GPC5: variants seen among roughly 807,000 people sequenced by gnomAD.
GPC5 encodes the protein glypican-5.
Under a neutral mutation model 53.9 loss-of-function variants are expected in GPC5, and 47 were observed. That is an observed-to-expected ratio of 0.87 (90% CI 0.69 to 1.11). The LOEUF (loss-of-function observed/expected upper bound fraction) is 1.11, where lower values mean the gene tolerates loss of function less well. Ranked by LOEUF, GPC5 falls within the 50% of genes most tolerant of loss-of-function variation. The pLI is 0.00. For missense variants in GPC5, 748 were observed against 713.1 expected (o/e 1.05, Z -0.56); for synonymous variants, 286 against 263.3 (o/e 1.09, Z -0.84).
At chr13:92,512,150 A>G (rs1464692792) in intron 7 of GPC5, among the ~76,000 whole-genome samples, 3 of 152,066 alleles carry the variant, frequency 2.0e-5, no homozygotes, top group Admixed American at 6.6e-5. Context: ...CATTTATCTT[A>G]TATTAACTAA....
chr13:92,500,774 T>G (rs1297359348), intron 7 of GPC5, among the ~76,000 whole-genome samples: 4 of 152,152 alleles, frequency 2.6e-5, no homozygotes, highest in Non-Finnish European at 5.9e-5. Context: ...TGTTTTTACT[T>G]TATTTTTGTC....
At chr13:92,757,240 G>A (rs147155400) in intron 7 of GPC5, among the ~76,000 whole-genome samples, 2,405 of 151,896 alleles carry the variant, frequency 0.016, 31 homozygotes, top group Non-Finnish European at 0.022. Context: ...GAAAGGATTC[G>A]TATTTAATAA....
intron 7 of GPC5, among the ~76,000 whole-genome samples, chr13:92,181,876 T>C (rs1055519472): frequency 6.6e-6 from 1 of 152,204 alleles, no homozygotes; most frequent in African/African-American, 2.4e-5. Flanking sequence ...CATTATGCAA[T>C]TGTAATAAGA....
chr13:92,714,833 C>T (rs1388656266), intron 7 of GPC5, among the ~76,000 whole-genome samples: 1 of 152,002 alleles, frequency 6.6e-6, no homozygotes, highest in Non-Finnish European at 1.5e-5. Context: ...TTTGGGAGGC[C>T]GAGGCAAGTG....
chr13:91,716,393 T>C (rs2036339717), intron 3 of GPC5, among the ~76,000 whole-genome samples: 1 of 152,228 alleles, frequency 6.6e-6, no homozygotes. Context: ...GAGAGACTAT[T>C]GGTTTCTCAT....
chr13:92,370,964 C>T (rs1373648256), intron 7 of GPC5, among the ~76,000 whole-genome samples: 1 of 152,050 alleles, frequency 6.6e-6, no homozygotes, highest in Admixed American at 6.6e-5. Flanking sequence ...GCCTGGCCAA[C>T]ATGGTGAAAC....
At chr13:92,714,567 G>A (rs1009729691) in intron 7 of GPC5, among the ~76,000 whole-genome samples, 4 of 152,104 alleles carry the variant, frequency 2.6e-5, no homozygotes, top group African/African-American at 7.2e-5. Flanking sequence ...CATTTCAATC[G>A]TATGCCAACC....
rs2035817277 is a variant in GPC5, at chr13:91,693,784, G to T, written c.923G>T (p.Gly308Val). The change falls in exon 3 of 8, where the codon GGA (glycine) becomes GTA (valine). Residue 308 changes from glycine (G) to valine (V), a missense_variant. Coordinates refer to ENST00000377067, the MANE Select transcript of GPC5 (RefSeq NM_004466.6). ...GAAGAACTCTCGGATGCAATGCATG[G>T]AACATACGACATTGGACACGTGCTG... is the stretch of plus-strand genomic sequence containing the variant. ...SLEELSDAMH[G>V]TYDIGHVLLN... is the part of the protein sequence containing the mutation. The T allele has an allele frequency of 9.9e-6, 16 of 1,613,972 alleles. No homozygotes were observed. The East Asian group carries it at 3.6e-4, about 36-fold the overall frequency.
At chr13:92,806,061 GGCT>G (rs909134191) in intron 7 of GPC5, among the ~76,000 whole-genome samples, 6 of 151,992 alleles carry the variant, frequency 3.9e-5, no homozygotes, top group African/African-American at 1.4e-4. Context: ...TCCAGTAGAA[GGCT>G]GTTTTGTTTC....
At chr13:91,415,849 G>A (rs2138962221) in intron 1 of GPC5, among the ~76,000 whole-genome samples, 1 of 151,978 alleles carries the variant, frequency 6.6e-6, no homozygotes, top group South Asian at 2.1e-4. Flanking sequence ...TCTCCAAGAA[G>A]GTGATATCAT....
intron 6 of GPC5, among the ~76,000 whole-genome samples, chr13:91,992,936 T>C: frequency 6.6e-6 from 1 of 152,146 alleles, no homozygotes; most frequent in Non-Finnish European, 1.5e-5. Flanking sequence ...TCTCCACTTG[T>C]AGGAAAAAAA....
intron 7 of GPC5, among the ~76,000 whole-genome samples, chr13:92,461,066 T>C (rs1479924551): frequency 6.6e-6 from 1 of 152,166 alleles, no homozygotes; most frequent in Admixed American, 6.5e-5. Flanking sequence ...GTCAACATTT[T>C]TTTTTTCTGA....
rs1417145062 is a variant in GPC5 at position 91,600,346 on chromosome 13, AGAGT to A, written c.326-92839_326-92836del. ...GAGAGAGAGAGAGAGAGAGAGAGAG[AGAGT>A]GTGTGTGTGTGTGTGTGTATAGACA... On this transcript the variant is annotated intron_variant, in intron 2 of 7. Transcript: ENST00000377067. Among the ~76,000 whole-genome samples, 494 of 79,486 alleles carry A rather than the reference AGAGT, an allele frequency of 6.2e-3. 2 individuals are homozygous for A. The highest frequency in any genetic ancestry group is 0.018 in the African/African-American group (461 of 25,160). 52.1% of individuals were successfully genotyped at this position (79,486 alleles called of 152,430 possible).
At chr13:91,955,346 AT>A (rs1187881389) in intron 6 of GPC5, among the ~76,000 whole-genome samples, 1 of 152,230 alleles carries the variant, frequency 6.6e-6, no homozygotes, top group Admixed American at 6.5e-5. Flanking sequence ...GCGGTATTAA[AT>A]GTTATATTGT....
chr13:91,783,157 G>A (rs2037824421), intron 5 of GPC5, among the ~76,000 whole-genome samples: 1 of 152,156 alleles, frequency 6.6e-6, no homozygotes, highest in East Asian at 2.0e-4. Context: ...AGAAGGCTGA[G>A]ACAGGAGAAT....
At position 91,693,287 on chromosome 13, in the gene GPC5, G is replaced by A. The variant is rs1157612117; in HGVS notation, c.426G>A (p.Gln142=). The change falls in exon 3 of 8, where the codon CAG becomes CAA. Residue 142 remains glutamine, a synonymous_variant. Coordinates refer to ENST00000377067, the MANE Select transcript of GPC5 (RefSeq NM_004466.6). ...CCTTGGAGGCTGCTGCTTCGGTTCA[G>A]GAGTTCTTCACTGATGTGGGGCTGT... The part of the protein sequence containing the change: ...NMALEAAASV[Q]EFFTDVGLYL... The A allele has an allele frequency of 6.2e-6, 10 of 1,614,040 alleles. No homozygotes were observed. The highest frequency in any genetic ancestry group is 8.5e-6 in the Non-Finnish European group (10 of 1,179,990).
chr13:91,627,603 G>A (rs553502678), intron 2 of GPC5, among the ~76,000 whole-genome samples: 8 of 152,018 alleles, frequency 5.3e-5, no homozygotes, highest in South Asian at 2.1e-4. Context: ...ATAATAAAAA[G>A]GATTATTTGA....
chr13:92,475,058 G>T (rs192548600), intron 7 of GPC5, among the ~76,000 whole-genome samples: 1 of 152,190 alleles, frequency 6.6e-6, no homozygotes, highest in East Asian at 1.9e-4. Context: ...TAACCAGGAA[G>T]TATACTCACA....
chr13:92,297,806 T>C (rs1447814407), intron 7 of GPC5, among the ~76,000 whole-genome samples: 1 of 152,028 alleles, frequency 6.6e-6, no homozygotes, highest in Non-Finnish European at 1.5e-5. Context: ...TTCCACACTG[T>C]GGAAGCTTTG....
Sources: allele counts gnomAD v4.1 joint callset (sites outside exome capture counted in the v4.1 genomes callset), GRCh38; gene constraint gnomAD v4.1.1; transcripts MANE v1.5; gene names NCBI Gene and HGNC (gene_info 2026-07-23, HGNC 2026-07-21).